The following GRIK1 variants were observed in gnomAD, a reference collection of about 807,000 sequenced individuals.
GRIK1 encodes glutamate receptor ionotropic, kainate 1.
In GRIK1, 69 loss-of-function variants were observed where a neutral mutation model predicts 105.7. The observed-to-expected ratio is 0.65, with a 90% confidence interval of 0.54 to 0.80. The LOEUF (loss-of-function observed/expected upper bound fraction) is 0.80, where lower values mean the gene tolerates loss of function less well. Among genes scored for constraint, GRIK1 ranks in the 30% least tolerant of loss-of-function variants. GRIK1 has a pLI of 0.00. For synonymous variants in GRIK1, 438 were observed against 431.3 expected (o/e 1.02, Z -0.19); for missense variants, 1,109 against 1,167.3 (o/e 0.95, Z 0.73).
intron 1 of GRIK1, among the ~76,000 whole-genome samples, chr21:29,756,177 C>G (rs886779691): frequency 6.6e-6 from 1 of 151,986 alleles, no homozygotes; most frequent in Non-Finnish European, 1.5e-5. Context: ...GTCAGGAGAT[C>G]GAGTTCAACC....
chr21:29,927,633 G>T (rs1244335708), intron 1 of GRIK1, among the ~76,000 whole-genome samples: 1 of 151,560 alleles, frequency 6.6e-6, no homozygotes, highest in African/African-American at 2.4e-5. Flanking sequence ...AGCACTTTGG[G>T]AGGCCAAGGC....
At chr21:29,698,214 T>G (rs1388149240) in intron 1 of GRIK1, among the ~76,000 whole-genome samples, 2 of 152,182 alleles carry the variant, frequency 1.3e-5, no homozygotes, top group African/African-American at 4.8e-5. Context: ...GAGAAATCCC[T>G]ACCTTTTTCA....
intron 3 of GRIK1, among the ~76,000 whole-genome samples, chr21:29,687,408 C>T (rs535358907): frequency 6.6e-6 from 1 of 152,304 alleles, no homozygotes; most frequent in South Asian, 2.1e-4. Context: ...ATAAAACCCA[C>T]TCACAGTCAC....
At chr21:29,919,177 A>C (rs902436567) in intron 1 of GRIK1, among the ~76,000 whole-genome samples, 1 of 152,116 alleles carries the variant, frequency 6.6e-6, no homozygotes, top group Non-Finnish European at 1.5e-5. Flanking sequence ...GCTCAAAGCC[A>C]CAAGCTGTTC....
At chr21:29,837,875 T>G (rs1204987611) in intron 1 of GRIK1, among the ~76,000 whole-genome samples, 1 of 152,242 alleles carries the variant, frequency 6.6e-6, no homozygotes, top group Admixed American at 6.5e-5. Context: ...AAGCCCCCAG[T>G]ATTCTATATT....
At chr21:29,560,900 A>G (rs922956660) in intron 15 of GRIK1, among the ~76,000 whole-genome samples, 1 of 152,020 alleles carries the variant, frequency 6.6e-6, no homozygotes, top group African/African-American at 2.4e-5. Context: ...GCGCCTGGCC[A>G]TGATACAGTT....
chr21:29,617,823 C>T (rs1046461734), intron 7 of GRIK1, among the ~76,000 whole-genome samples: 1 of 152,158 alleles, frequency 6.6e-6, no homozygotes, highest in African/African-American at 2.4e-5. Flanking sequence ...GCCTTCTGGG[C>T]TGCTATTGTA....
chr21:29,884,405 A>G (rs999686048), intron 1 of GRIK1, among the ~76,000 whole-genome samples: 1 of 152,028 alleles, frequency 6.6e-6, no homozygotes, highest in Non-Finnish European at 1.5e-5. Flanking sequence ...AAGAGGAAGA[A>G]CAGGTTGGTT....
intron 16 of GRIK1, among the ~76,000 whole-genome samples, chr21:29,542,032 AGT>A (rs66476053): frequency 0.032 from 4,845 of 150,496 alleles, 91 homozygotes; most frequent in Non-Finnish European, 0.039. Flanking sequence ...AATAATGTAG[AGT>A]GTGTGTGTGT....
chr21:29,868,140 T>C (rs2068891251), intron 1 of GRIK1, among the ~76,000 whole-genome samples: 1 of 152,066 alleles, frequency 6.6e-6, no homozygotes, highest in African/African-American at 2.4e-5. Context: ...TCTGAAAAGA[T>C]CTGTGAAAAC....
chr21:29,841,205 TC>T (rs1054290220), intron 1 of GRIK1, among the ~76,000 whole-genome samples: 9 of 152,162 alleles, frequency 5.9e-5, no homozygotes, highest in African/African-American at 2.2e-4. Flanking sequence ...ATAATAACTT[TC>T]CCACTGTCAA....
intron 1 of GRIK1, among the ~76,000 whole-genome samples, chr21:29,734,625 T>C (rs191287459): frequency 7.9e-5 from 12 of 152,122 alleles, no homozygotes; most frequent in Admixed American, 7.9e-4. Flanking sequence ...TCTTGAACTC[T>C]TGGGCTCAAG....
At chr21:29,705,130 T>C (rs193018148) in intron 1 of GRIK1, among the ~76,000 whole-genome samples, 43 of 152,362 alleles carry the variant, frequency 2.8e-4, no homozygotes, top group Middle Eastern at 3.4e-3. Flanking sequence ...TTTCTTCTTC[T>C]GTATTTCTGT....
chr21:29,882,875 C>T (rs999327040), intron 1 of GRIK1, among the ~76,000 whole-genome samples: 3 of 152,058 alleles, frequency 2.0e-5, no homozygotes, highest in African/African-American at 7.2e-5. Flanking sequence ...ATACAGAGCT[C>T]TCTTTTCCTT....
intron 1 of GRIK1, among the ~76,000 whole-genome samples, chr21:29,827,514 G>T (rs1569136435): frequency 6.6e-6 from 1 of 152,118 alleles, no homozygotes; most frequent in Non-Finnish European, 1.5e-5. Context: ...TTCAGCCATT[G>T]CAGCAAGTAG....
At chr21:29,784,828 A>AAATG (rs2066216093) in intron 1 of GRIK1, among the ~76,000 whole-genome samples, 1 of 152,220 alleles carries the variant, frequency 6.6e-6, no homozygotes, top group South Asian at 2.1e-4. Context: ...GGTGTAATAG[A>AAATG]AATGAATGAA....
intron 1 of GRIK1, among the ~76,000 whole-genome samples, chr21:29,698,487 T>C (rs1323609192): frequency 6.6e-6 from 1 of 152,246 alleles, no homozygotes; most frequent in Non-Finnish European, 1.5e-5. Context: ...AGAGAAGTAG[T>C]GCATGACAGA....
At chr21:29,782,969 A>C (rs2066164692) in intron 1 of GRIK1, among the ~76,000 whole-genome samples, 1 of 152,178 alleles carries the variant, frequency 6.6e-6, no homozygotes, top group East Asian at 1.9e-4. Context: ...TTCCAGCAAA[A>C]TTCATGCACA....
chr21:29,815,063 C>T (rs1381010231), intron 1 of GRIK1, among the ~76,000 whole-genome samples: 1 of 152,092 alleles, frequency 6.6e-6, no homozygotes, highest in Non-Finnish European at 1.5e-5. Context: ...CAATAAGTGG[C>T]CAATGCATTT....
Sources: gnomAD v4.1 joint callset for allele counts (sites outside exome capture counted in the v4.1 genomes callset) on GRCh38, gnomAD v4.1.1 for gene constraint, MANE v1.5 for transcripts, NCBI Gene and HGNC (gene_info 2026-07-23, HGNC 2026-07-21) for gene names.